Variants in GALNT18 observed in about 807,000 individuals in gnomAD.
GALNT18 encodes polypeptide N-acetylgalactosaminyltransferase 18.
GALNT18 carries 44 observed loss-of-function variants against 69.5 expected under a neutral mutation model. The ratio of observed to expected loss-of-function variants is 0.63; its 90% CI spans 0.50 to 0.81. The LOEUF is 0.81. GALNT18 is among the 40% of genes least tolerant of loss of function. The pLI is 0.00. For synonymous variants in GALNT18, 364 were observed against 318.2 expected (o/e 1.14, Z -1.53); for missense variants, 715 against 810.0 (o/e 0.88, Z 1.42).
chr11:11,397,782 A>ATATT (rs1210405786), intron 3 of GALNT18, among the ~76,000 whole-genome samples: 8 of 152,330 alleles, frequency 5.3e-5, no homozygotes. Flanking sequence ...ACAAGGGCTT[A>ATATT]TATTTTTAAA....
intron 2 of GALNT18, among the ~76,000 whole-genome samples, chr11:11,442,535 G>A (rs1330009995): frequency 6.6e-6 from 1 of 152,100 alleles, no homozygotes; most frequent in East Asian, 1.9e-4. Context: ...CTTGCCCACC[G>A]AACACTCAGA....
At chr11:11,481,300 A>AACG (rs1856524352) in intron 1 of GALNT18, among the ~76,000 whole-genome samples, 2 of 152,070 alleles carry the variant, frequency 1.3e-5, no homozygotes. Flanking sequence ...CTCGCTGAGC[A>AACG]TGAATCCCTC....
chr11:11,310,598 G>A (rs955428558), intron 9 of GALNT18, among the ~76,000 whole-genome samples: 7 of 152,056 alleles, frequency 4.6e-5, no homozygotes, highest in Admixed American at 1.3e-4. Context: ...ACTCCCATAC[G>A]TGTTTCTGCA....
chr11:11,323,356 A>G (rs1202164445), intron 9 of GALNT18, among the ~76,000 whole-genome samples: 2 of 152,266 alleles, frequency 1.3e-5, no homozygotes, highest in African/African-American at 4.8e-5. Context: ...GGAAAGGCAT[A>G]GAATAGATAT....
chr11:11,371,626 A>G (rs112253373), intron 6 of GALNT18, among the ~76,000 whole-genome samples: 64 of 151,534 alleles, frequency 4.2e-4, no homozygotes, highest in African/African-American at 1.5e-3. Context: ...CGGAGAAGAC[A>G]GTGGGGGCCA....
intron 1 of GALNT18, among the ~76,000 whole-genome samples, chr11:11,561,511 G>A (rs1035153576): frequency 1.3e-5 from 2 of 152,170 alleles, no homozygotes; most frequent in Non-Finnish European, 2.9e-5. Context: ...CTGCTTCAAA[G>A]GATTGTGGTA....
intron 1 of GALNT18, among the ~76,000 whole-genome samples, chr11:11,552,118 A>C (rs113455228): frequency 2.8e-4 from 43 of 152,362 alleles, no homozygotes; most frequent in Non-Finnish European, 4.7e-4. Context: ...AGGCCTGACA[A>C]AATTGATAAT....
chr11:11,338,426 A>T lies in GALNT18; in HGVS notation c.1278+2393T>A, dbSNP rs574746787. On this transcript the variant is annotated intron_variant, in intron 7 of 10. Transcript: ENST00000227756. This position sits in a 1 kb window ranked among gnomAD's most constrained non-coding sequence, Gnocchi z 5.3. ...AGAAAAAAACAGGGCCTGAATGCAG[A>T]CATGAGGGGAGGTCGGGGTGGGAAG... Among the ~76,000 whole-genome samples, 20 of 152,298 alleles carry T rather than the reference A, an allele frequency of 1.3e-4. 1 individual carries two copies. The South Asian group carries it at 3.5e-3, about 27-fold the overall frequency.
intron 6 of GALNT18, among the ~76,000 whole-genome samples, chr11:11,371,866 C>T (rs1850915408): frequency 1.3e-5 from 2 of 152,284 alleles, no homozygotes; most frequent in Admixed American, 1.3e-4. Context: ...AGGAATTGTT[C>T]CTGTAGGATG....
Position 11,320,820 on chromosome 11 carries a change from C to T in GALNT18, c.1512+6266G>A, listed in dbSNP as rs2133038551. Among the ~76,000 whole-genome samples the T allele has an allele frequency of 6.6e-6, 1 of 152,294 alleles. No homozygotes were observed. Among genetic ancestry groups the T allele is most frequent in the Non-Finnish European group, 1.5e-5 (1 of 68,016 alleles). ...CCCAGCTCACTGGGCAGGCCACAGCCTCAACAGAGTCCTGCCACAGCAGCA... is the reference window on the plus strand; with the variant it reads ...CCCAGCTCACTGGGCAGGCCACAGCTTCAACAGAGTCCTGCCACAGCAGCA... On this transcript the variant is annotated intron_variant, in intron 9 of 10. Coordinates refer to ENST00000227756, the MANE Select transcript of GALNT18 (RefSeq NM_198516.3). The surrounding 1 kb of genome is among the most constrained non-coding windows in gnomAD (Gnocchi z 4.9).
intron 1 of GALNT18, among the ~76,000 whole-genome samples, chr11:11,502,711 C>T (rs1412917479): frequency 2.6e-5 from 4 of 152,256 alleles, no homozygotes; most frequent in African/African-American, 7.2e-5. Flanking sequence ...CAAACATCCT[C>T]ATTTGGCAGC....
chr11:11,606,314 A>G lies in GALNT18; in HGVS notation c.235+15045T>C, dbSNP rs1859753936. Among the ~76,000 whole-genome samples, 1 of 152,230 alleles carries G rather than the reference A, an allele frequency of 6.6e-6. No homozygotes were observed. Among genetic ancestry groups the G allele is most frequent in the African/African-American group, 2.4e-5 (1 of 41,456 alleles). Reference sequence around the variant, plus strand: ...TCCACCTTTAAGTAACCCACAGTCTAATGAGAAAAGCAGACTAATAATTAC... The same window carrying G: ...TCCACCTTTAAGTAACCCACAGTCTGATGAGAAAAGCAGACTAATAATTAC... On this transcript the variant is annotated intron_variant, in intron 1 of 10. Coordinates refer to ENST00000227756, the MANE Select transcript of GALNT18 (RefSeq NM_198516.3). The surrounding 1 kb of genome is among the most constrained non-coding windows in gnomAD (Gnocchi z 5.4).
intron 3 of GALNT18, among the ~76,000 whole-genome samples, chr11:11,397,953 C>T (rs979543825): frequency 1.1e-4 from 16 of 152,176 alleles, no homozygotes; most frequent in Admixed American, 4.6e-4. Context: ...TCCATTCAGC[C>T]GCTTGCATCC....
intron 1 of GALNT18, among the ~76,000 whole-genome samples, chr11:11,484,976 G>A (rs992469033): frequency 6.6e-6 from 1 of 152,230 alleles, no homozygotes; most frequent in African/African-American, 2.4e-5. Flanking sequence ...TCTGATTCTA[G>A]AGTCAGGGCT....
rs1855248020 is a variant in GALNT18 at position 11,430,857 on chromosome 11, C to A, written c.595+1764G>T. On this transcript the variant is annotated intron_variant, in intron 3 of 10. Transcript: ENST00000227756. The surrounding 1 kb of genome is among the most constrained non-coding windows in gnomAD (Gnocchi z 4.9). ...TTTCCCTTCTTCAAGATGCCCTTTT[C>A]CCCCGCCAATATAATAAAGCATGAC... 6.6e-6 allele frequency among the ~76,000 whole-genome samples: 1 copy of A among 152,162 alleles called. No homozygotes were observed. Among genetic ancestry groups the A allele is most frequent in the African/African-American group, 2.4e-5 (1 of 41,440 alleles).
rs1170249538 is a variant in GALNT18 at position 11,337,718 on chromosome 11, T to G, written c.1278+3101A>C. 6.6e-6 allele frequency among the ~76,000 whole-genome samples: 1 copy of G among 151,876 alleles called. No individual in the cohort carries two copies. The highest frequency in any genetic ancestry group is 1.9e-4 in the East Asian group (1 of 5,150). ...CAGGAAGAGGTAGAGGGTAGGGAAT[T>G]CCAAGCAGGATGAACAAGCACCGAG... On this transcript the variant is annotated intron_variant, in intron 7 of 10. Coordinates refer to ENST00000227756, the MANE Select transcript of GALNT18 (RefSeq NM_198516.3). This position sits in a 1 kb window ranked among gnomAD's most constrained non-coding sequence, Gnocchi z 4.9.
intron 6 of GALNT18, among the ~76,000 whole-genome samples, chr11:11,344,197 ACT>A (rs1033762230): frequency 6.7e-6 from 1 of 149,058 alleles, no homozygotes; most frequent in African/African-American, 2.5e-5. Flanking sequence ...TCCCCAATAC[ACT>A]CTCTGCTACA....
chr11:11,456,019 G>T (rs1260317192), intron 1 of GALNT18, among the ~76,000 whole-genome samples: 4 of 152,170 alleles, frequency 2.6e-5, no homozygotes, highest in African/African-American at 9.7e-5. Context: ...AGCCCAGGAG[G>T]TCGAGGCTGC....
Position 11,563,621 on chromosome 11 carries a change from G to A in GALNT18, c.235+57738C>T, listed in dbSNP as rs923937920. 1.5e-4 allele frequency among the ~76,000 whole-genome samples: 23 copies of A among 152,210 alleles called. No individual in the cohort carries two copies. Among genetic ancestry groups the A allele is most frequent in the African/African-American group, 5.3e-4 (22 of 41,446 alleles). Reference sequence around the variant, plus strand: ...CTCATGTCACAAGTGAGGAAACTAAGGCTCAAAGCCTAAGGCTAGCTTGTG... The same window carrying A: ...CTCATGTCACAAGTGAGGAAACTAAAGCTCAAAGCCTAAGGCTAGCTTGTG... On this transcript the variant is annotated intron_variant, in intron 1 of 10. Coordinates refer to ENST00000227756, the MANE Select transcript of GALNT18 (RefSeq NM_198516.3). The surrounding 1 kb of genome is among the most constrained non-coding windows in gnomAD (Gnocchi z 4.6).
Sources: allele counts gnomAD v4.1 joint callset (sites outside exome capture counted in the v4.1 genomes callset), GRCh38; gene constraint gnomAD v4.1.1; non-coding constraint Gnocchi (gnomAD v3.1); transcripts MANE v1.5; gene names NCBI Gene and HGNC (gene_info 2026-07-23, HGNC 2026-07-21).